ATP5PO: variants seen among roughly 807,000 people sequenced by gnomAD.
ATP5PO encodes the protein ATP synthase peripheral stalk subunit OSCP, mitochondrial.
In ATP5PO, 14 loss-of-function variants were observed where a neutral mutation model predicts 26.2. That is an observed-to-expected ratio of 0.53 (90% CI 0.35 to 0.83). The LOEUF is 0.83. Among genes scored for constraint, ATP5PO ranks in the 40% least tolerant of loss-of-function variants. The pLI, the probability that ATP5PO is intolerant of heterozygous loss-of-function variation, is 0.01. For synonymous variants in ATP5PO, 106 were observed against 95.1 expected (o/e 1.12, Z -0.67); for missense variants, 241 against 258.5 (o/e 0.93, Z 0.46).
In ATP5PO at chr21:33,909,152, G is replaced by A. The variant is rs1309504906; in HGVS notation, c.258C>T (p.Ser86=). 5 of 1,613,576 alleles carry A rather than the reference G, an allele frequency of 3.1e-6. No homozygotes were observed. Among genetic ancestry groups the A allele is most frequent in the Admixed American group, 1.7e-5 (1 of 60,006 alleles). The change falls in exon 4 of 7, where the codon TCC becomes TCT. Residue 86 remains serine, a synonymous_variant. Coordinates refer to ENST00000290299, the MANE Select transcript of ATP5PO (RefSeq NM_001697.3). The part of the protein sequence containing the change: ...ASVLNPYVKR[S]IKVKSLNDIT... ...TGTCATTTAGGCTTTTCACTTTAAT[G>A]GAACGCTTCACATAGGGATTCAAAA... is the stretch of plus-strand genomic sequence containing the variant.
intron 2 of ATP5PO, among the ~76,000 whole-genome samples, chr21:33,913,025 T>C (rs1987269471): frequency 6.6e-6 from 1 of 152,224 alleles, no homozygotes; most frequent in Non-Finnish European, 1.5e-5. Context: ...TGTATGGTTG[T>C]AGTGGGAAAG....
chr21:33,909,576 T>G (rs762552490), intron 3 of ATP5PO, among the ~76,000 whole-genome samples: 2 of 152,126 alleles, frequency 1.3e-5, no homozygotes, highest in African/African-American at 4.8e-5. Context: ...ATACAAACAC[T>G]TTCTTATGAA....
intron 1 of ATP5PO, chr21:33,915,502 G>T (rs1015374149): frequency 1.7e-6 from 1 of 603,268 alleles, no homozygotes; most frequent in Non-Finnish European, 2.7e-6. Flanking sequence ...GCTGTGCTCG[G>T]AAGACGCCAA....
chr21:33,907,937 C>A (rs139842090), intron 4 of ATP5PO, among the ~76,000 whole-genome samples: 1 of 152,006 alleles, frequency 6.6e-6, no homozygotes, highest in Non-Finnish European at 1.5e-5. Flanking sequence ...AGACAGCTTG[C>A]GTCCAGGAGT....
At chr21:33,909,495 A>G (rs980187641) in intron 3 of ATP5PO, among the ~76,000 whole-genome samples, 1 of 151,964 alleles carries the variant, frequency 6.6e-6, no homozygotes, top group African/African-American at 2.4e-5. Context: ...TAAACTCCTG[A>G]CCTCGAGTGA....
intron 2 of ATP5PO, 99 bp from the exon 3 acceptor site, chr21:33,912,498 T>A: frequency 1.3e-6 from 1 of 778,200 alleles, no homozygotes; most frequent in Non-Finnish European, 2.0e-6. Context: ...TTAAAAAATG[T>A]ATCTCTTTAA....
intron 4 of ATP5PO, 95 bp downstream of exon 4, chr21:33,908,987 G>A: frequency 7.3e-7 from 1 of 1,368,656 alleles, no homozygotes; most frequent in Non-Finnish European, 9.9e-7. Context: ...ACTGCCAACA[G>A]GCTCCCAGGT....
At chr21:33,911,662 GTTTTTTTTTT>G (rs58774588) in intron 3 of ATP5PO, among the ~76,000 whole-genome samples, 1 of 92,080 alleles carries the variant, frequency 1.1e-5, no homozygotes, top group Admixed American at 1.6e-4. Flanking sequence ...ATAAGCATAG[GTTTTTTTTTT>G]TTTTTTTTTT....
chr21:33,910,501 T>C lies in ATP5PO; in HGVS notation c.199-1290A>G, dbSNP rs73903806. Among the ~76,000 whole-genome samples the C allele has an allele frequency of 8.0e-3, 1,223 of 152,298 alleles. 24 individuals are homozygous for C. The highest frequency in any genetic ancestry group is 0.028 in the African/African-American group (1,155 of 41,564). Reference sequence around the variant, plus strand: ...GCTAATATTCAGTGTCTTAAGGTAATTGCCTCCCTTTTTCTCCATGTCTCG... The same window carrying C: ...GCTAATATTCAGTGTCTTAAGGTAACTGCCTCCCTTTTTCTCCATGTCTCG... On this transcript the variant is annotated intron_variant, in intron 3 of 6. Coordinates refer to ENST00000290299, the MANE Select transcript of ATP5PO (RefSeq NM_001697.3).
intron 2 of ATP5PO, among the ~76,000 whole-genome samples, chr21:33,913,156 C>CCTTAACACT (rs998476459): frequency 6.6e-6 from 1 of 152,132 alleles, no homozygotes; most frequent in Non-Finnish European, 1.5e-5. Flanking sequence ...ACCAGTTACT[C>CCTTAACACT]CTTAACACTG....
At chr21:33,912,223 C>A in intron 3 of ATP5PO, 66 bp downstream of exon 3, 2 of 1,445,812 alleles carry the variant, frequency 1.4e-6, no homozygotes, top group Non-Finnish European at 1.9e-6. Flanking sequence ...TAGGAATGCA[C>A]AAACAACCAA....
intron 4 of ATP5PO, 162 bp downstream of exon 4, chr21:33,908,920 A>G (rs1987210935): frequency 2.8e-6 from 2 of 710,958 alleles, no homozygotes; most frequent in Non-Finnish European, 4.3e-6. Context: ...TCACTTAGGG[A>G]GCTGGTTAAG....
intron 5 of ATP5PO, chr21:33,906,423 G>C (rs1987173381): frequency 3.1e-6 from 1 of 324,000 alleles, no homozygotes; most frequent in African/African-American, 2.2e-5. Flanking sequence ...GAGGCCTTGA[G>C]GCCTGTGTTC....
At chr21:33,914,544 A>T (rs777347186) in intron 1 of ATP5PO, 44 bp from the exon 2 acceptor site, 1 of 1,574,564 alleles carries the variant, frequency 6.4e-7, no homozygotes, top group East Asian at 2.2e-5. Flanking sequence ...AATTACTTGA[A>T]GGATTTCTGC....
chr21:33,903,671 A>G, intron 6 of ATP5PO, 32 bp from the exon 7 acceptor site: 1 of 1,604,016 alleles, frequency 6.2e-7, no homozygotes, highest in Non-Finnish European at 8.5e-7. Context: ...AAATGTGAAA[A>G]CGCGCTAATC....
At chr21:33,905,812 T>G (rs1987161608) in intron 5 of ATP5PO, among the ~76,000 whole-genome samples, 1 of 147,968 alleles carries the variant, frequency 6.8e-6, no homozygotes, top group Admixed American at 7.0e-5. Flanking sequence ...CTTGGGAGGC[T>G]GAGGCAGGAG....
chr21:33,907,581 C>T, intron 4 of ATP5PO, 128 bp from the exon 5 acceptor site: 2 of 706,118 alleles, frequency 2.8e-6, no homozygotes, highest in Non-Finnish European at 4.8e-6. Context: ...GGGCGCATGC[C>T]TATAATCCCA....
intron 4 of ATP5PO, among the ~76,000 whole-genome samples, chr21:33,907,906 C>T (rs1186574468): frequency 6.6e-6 from 1 of 152,174 alleles, no homozygotes; most frequent in African/African-American, 2.4e-5. Context: ...AATCCCAGCA[C>T]TTTGGATGGC....
chr21:33,907,069 T>G (rs563792378), intron 5 of ATP5PO: 3 of 439,530 alleles, frequency 6.8e-6, no homozygotes, highest in Middle Eastern at 6.7e-4. Context: ...TATAATAGAG[T>G]CTAAACCACT....
Sources: gnomAD v4.1 joint callset for allele counts (sites outside exome capture counted in the v4.1 genomes callset) on GRCh38, gnomAD v4.1.1 for gene constraint, MANE v1.5 for transcripts, NCBI Gene and HGNC (gene_info 2026-07-23, HGNC 2026-07-21) for gene names.